NCAPD2: variants seen among roughly 807,000 people sequenced by gnomAD.
NCAPD2 encodes condensin complex subunit 1.
A neutral mutation model predicts 164.5 loss-of-function variants in NCAPD2; 100 were observed. The observed-to-expected ratio is 0.61, with a 90% CI of 0.52 to 0.72. NCAPD2 has a LOEUF of 0.72. Ranked by LOEUF, NCAPD2 falls within the 30% of genes least tolerant of loss-of-function variation. The pLI is 0.00. For synonymous variants in NCAPD2, 585 were observed against 642.6 expected, an observed-to-expected ratio of 0.91 and a Z score of 1.36; for missense variants, 1,560 against 1,749.2, an observed-to-expected ratio of 0.89 and a Z score of 1.93.
intron 27 of NCAPD2, 80 bp downstream of exon 27, chr12:6,529,119 C>T (rs942800730): frequency 3.9e-6 from 5 of 1,288,738 alleles, no homozygotes; most frequent in Non-Finnish European, 5.6e-6. Context: ...TTGAATTCCA[C>T]CTCGGCTACT....
At chr12:6,494,319 TCGCTTAACAGATCCGCAACGGAAGA>T in intron 1 of NCAPD2, among the ~76,000 whole-genome samples, 165 bp downstream of exon 1, 1 of 40,810 alleles carries the variant, frequency 2.5e-5, no homozygotes, top group East Asian at 3.0e-4. Context: ...GTTAAGCAAA[TCGCTTAACAGATCCGCAACGGAAGA>T]TGTTAAGCAA....
rs1335484116 is a variant in NCAPD2 at position 6,522,965 on chromosome 12, C to T, written c.2092C>T (p.Arg698Cys). ...CCGGGAAGCCGTGCTTAATGCCTAC[C>T]GCCAACTCTACCTCAACCCCAAAGG... Reference protein sequence around the residue: ...GVREAVLNAYRQLYLNPKGDS... With the variant: ...GVREAVLNAYCQLYLNPKGDS... The change falls in exon 16 of 32, where the codon CGC becomes TGC. Residue 698 changes from arginine (R) to cysteine (C), a missense_variant. Coordinates refer to ENST00000315579, the MANE Select transcript of NCAPD2 (RefSeq NM_014865.4). 3.7e-6 allele frequency: 6 copies of T among 1,614,172 alleles called. No individual in the cohort carries two copies. The highest frequency in any genetic ancestry group is 2.2e-5 in the East Asian group (1 of 44,882).
At chr12:6,524,913 T>C (rs1946302289) in intron 17 of NCAPD2, among the ~76,000 whole-genome samples, 1 of 152,138 alleles carries the variant, frequency 6.6e-6, no homozygotes, top group South Asian at 2.1e-4. Flanking sequence ...TGGTGGTGAT[T>C]GGCCATGATG....
chr12:6,527,222 T>C (rs898114337), intron 22 of NCAPD2, among the ~76,000 whole-genome samples, 159 bp downstream of exon 22: 35 of 152,232 alleles, frequency 2.3e-4, no homozygotes. Context: ...GTGTGAACAA[T>C]GACGAAACTG....
chr12:6,530,639 A>G (rs1392163756), intron 29 of NCAPD2, 52 bp from the exon 30 acceptor site: 3 of 1,602,900 alleles, frequency 1.9e-6, no homozygotes, highest in Non-Finnish European at 2.6e-6. Context: ...TTTCTTTTTA[A>G]TCAGAAGTAA....
chr12:6,509,600 G>A (rs1264547614), intron 2 of NCAPD2, 117 bp from the exon 3 acceptor site: 17 of 953,846 alleles, frequency 1.8e-5, no homozygotes. Context: ...TGAACTGTTT[G>A]TCTCTTTTTT....
At chr12:6,522,173 A>G (rs946306772) in intron 15 of NCAPD2, 136 bp downstream of exon 15, 19 of 962,564 alleles carry the variant, frequency 2.0e-5, no homozygotes, top group Admixed American at 7.8e-5. Flanking sequence ...GGCTCAGGCA[A>G]TTCTTCTGCG....
In NCAPD2 at chr12:6,518,060, A is replaced by T. The variant is rs368505578; in HGVS notation, c.1589+101A>T. ...TCTTTTAAATTAACTGCACACAGAT[A>T]TGCTGCCACCAGGTGATGGTAGATG... On this transcript the variant is annotated intron_variant, in intron 13 of 31. Coordinates refer to ENST00000315579, the MANE Select transcript of NCAPD2 (RefSeq NM_014865.4). 3.5e-5 allele frequency: 40 copies of T among 1,150,608 alleles called. No individual in the cohort carries two copies. In the African/African-American group the frequency reaches 5.8e-4, roughly 17 times the overall value. 71.3% of individuals were successfully genotyped at this position (1,150,608 alleles called of 1,614,324 possible). A position where few individuals can be genotyped will look rare whatever the true frequency, so the allele number is the denominator to read the frequency against.
intron 1 of NCAPD2, 90 bp downstream of exon 1, chr12:6,494,244 G>A (rs1216489446): frequency 6.6e-6 from 1 of 152,246 alleles, no homozygotes; most frequent in Admixed American, 6.5e-5. Flanking sequence ...AATAGGCCTA[G>A]TAAGTATATC....
chr12:6,514,979 A>G, intron 9 of NCAPD2, 59 bp downstream of exon 9: 5 of 1,580,426 alleles, frequency 3.2e-6, no homozygotes, highest in Non-Finnish European at 4.3e-6. Flanking sequence ...CCAGTGTTGA[A>G]AGGCTGTTTC....
chr12:6,512,911 G>A (rs1047308239), intron 6 of NCAPD2, among the ~76,000 whole-genome samples: 1 of 152,180 alleles, frequency 6.6e-6, no homozygotes, highest in Non-Finnish European at 1.5e-5. Flanking sequence ...GGAGAGTTCA[G>A]TCAAGGATGA....
chr12:6,521,029 G>A lies in NCAPD2; in HGVS notation c.1633G>A (p.Glu545Lys), dbSNP rs775626136. ...LTREATGHFQESEPFSHIDPE... is the reference protein window; with the variant it reads ...LTREATGHFQKSEPFSHIDPE... ...TCGAGAAGCCACAGGCCACTTCCAG[G>A]AGTCCGAACCCTTCAGTCATATAGA... is the stretch of plus-strand genomic sequence containing the variant. The change falls in exon 14 of 32, where the codon GAG becomes AAG. Residue 545 changes from glutamate (E) to lysine (K), a missense_variant. Coordinates refer to ENST00000315579, the MANE Select transcript of NCAPD2 (RefSeq NM_014865.4). 13 of 1,614,016 alleles carry A rather than the reference G, an allele frequency of 8.1e-6. No individual in the cohort carries two copies. The South Asian group carries it at 1.2e-4, about 15-fold the overall frequency.
Position 6,517,373 on chromosome 12 carries a change from C to T in NCAPD2, c.1194C>T (p.Pro398=), listed in dbSNP as rs1425273203. 1.2e-6 allele frequency: 2 copies of T among 1,613,940 alleles called. No homozygotes were observed. The highest frequency in any genetic ancestry group is 2.7e-5 in the African/African-American group (2 of 74,922). ...FTRIVQQKAL[P]LTRFQAVVAL... ...CTTCCTACCCTACACAGGCTCTCCC[C>T]CTGACACGTTTCCAGGCAGTGGTGG... The change falls in exon 11 of 32, where the codon CCC becomes CCT. Residue 398 remains proline, a synonymous_variant. Coordinates refer to ENST00000315579, the MANE Select transcript of NCAPD2 (RefSeq NM_014865.4).
intron 10 of NCAPD2, 80 bp from the exon 11 acceptor site, chr12:6,517,285 T>G (rs1361029513): frequency 6.4e-7 from 1 of 1,562,324 alleles, no homozygotes; most frequent in Non-Finnish European, 8.6e-7. Context: ...TAGCTCAGTT[T>G]AGAGTATACT....
intron 15 of NCAPD2, among the ~76,000 whole-genome samples, chr12:6,522,309 G>T (rs936244254): frequency 6.7e-5 from 10 of 148,408 alleles, no homozygotes; most frequent in Non-Finnish European, 1.5e-4. Flanking sequence ...TTCTCGGCTG[G>T]GCGCGATGGC....
intron 10 of NCAPD2, 27 bp downstream of exon 10, chr12:6,517,052 A>T: frequency 6.2e-7 from 1 of 1,608,414 alleles, no homozygotes; most frequent in East Asian, 2.2e-5. Context: ...TGGCAAAAAC[A>T]TATGGTACCT....
At chr12:6,518,055 C>G (rs559865006) in intron 13 of NCAPD2, 96 bp downstream of exon 13, 2 of 1,212,948 alleles carry the variant, frequency 1.6e-6, no homozygotes, top group Non-Finnish European at 2.3e-6. Flanking sequence ...TAACTGCACA[C>G]AGATATGCTG....
intron 29 of NCAPD2, 87 bp downstream of exon 29, chr12:6,530,045 G>A (rs1946357275): frequency 1.4e-6 from 2 of 1,439,210 alleles, no homozygotes; most frequent in African/African-American, 2.8e-5. Flanking sequence ...GGCTCTTGCA[G>A]TCACCTTCCC....
chr12:6,518,009 A>ACATAATGTGTCTTTTAAATTAACTT, intron 13 of NCAPD2, 50 bp downstream of exon 13: 1 of 1,558,200 alleles, frequency 6.4e-7, no homozygotes. Context: ...GTTTAGAGTT[A>ACATAATGTGTCTTTTAAATTAACTT]ACCTTTGAGA....
Sources: gnomAD v4.1 joint callset for allele counts (sites outside exome capture counted in the v4.1 genomes callset) on GRCh38, gnomAD v4.1.1 for gene constraint, MANE v1.5 for transcripts, NCBI Gene and HGNC (gene_info 2026-07-23, HGNC 2026-07-21) for gene names.